MAGI1: variants seen among roughly 807,000 people sequenced by gnomAD.
The protein encoded by MAGI1 is membrane-associated guanylate kinase, WW and PDZ domain-containing protein 1.
MAGI1 carries 58 observed loss-of-function variants against 139.9 expected under a neutral mutation model. The observed-to-expected ratio is 0.41, with a 90% CI of 0.34 to 0.52. The LOEUF (loss-of-function observed/expected upper bound fraction) is 0.52, where lower values mean the gene tolerates loss of function less well. Ranked by LOEUF, MAGI1 falls within the 20% of genes least tolerant of loss-of-function variation. The pLI is 0.12. For missense variants in MAGI1, 1,874 were observed against 1,901.6 expected (o/e 0.99, Z 0.27); for synonymous variants, 812 against 737.9 (o/e 1.10, Z -1.63).
chr3:65,812,273 C>T (rs906762428), intron 1 of MAGI1, among the ~76,000 whole-genome samples: 2 of 151,974 alleles, frequency 1.3e-5, no homozygotes, highest in African/African-American at 4.8e-5. Flanking sequence ...TGGCACAAAG[C>T]GGGTATTCTA....
intron 1 of MAGI1, among the ~76,000 whole-genome samples, chr3:65,713,585 C>G (rs1316257401): frequency 4.6e-5 from 7 of 152,204 alleles, no homozygotes; most frequent in Non-Finnish European, 1.0e-4. Context: ...GATTCTACCA[C>G]TAACCGAGAA....
chr3:65,878,350 C>G (rs1022160006), intron 1 of MAGI1, among the ~76,000 whole-genome samples: 2 of 151,932 alleles, frequency 1.3e-5, no homozygotes, highest in African/African-American at 4.8e-5. Context: ...AACCTCGTCT[C>G]GACAGAAATA....
chr3:65,855,423 A>G (rs2059341581), intron 1 of MAGI1, among the ~76,000 whole-genome samples: 1 of 150,718 alleles, frequency 6.6e-6, no homozygotes, highest in African/African-American at 2.4e-5. Context: ...CAAATAAAAT[A>G]AAGTAACTTT....
chr3:65,411,787 C>T (rs558180933), intron 12 of MAGI1, among the ~76,000 whole-genome samples: 6 of 152,036 alleles, frequency 3.9e-5, no homozygotes, highest in East Asian at 1.9e-4. Context: ...GAATAATATC[C>T]GGGCTTTTAA....
intron 1 of MAGI1, among the ~76,000 whole-genome samples, chr3:65,861,726 A>C (rs1221975010): frequency 6.6e-6 from 1 of 152,158 alleles, no homozygotes; most frequent in Non-Finnish European, 1.5e-5. Flanking sequence ...CGTGAAAAAA[A>C]AGACACTCGT....
At chr3:65,764,673 T>C (rs759287048) in intron 1 of MAGI1, among the ~76,000 whole-genome samples, 1 of 152,220 alleles carries the variant, frequency 6.6e-6, no homozygotes, top group Admixed American at 6.5e-5. Flanking sequence ...CCATCCACCA[T>C]AAATCAGCTT....
intron 5 of MAGI1, among the ~76,000 whole-genome samples, chr3:65,461,575 G>A (rs1417650541): frequency 1.0e-4 from 15 of 146,804 alleles, no homozygotes; most frequent in Non-Finnish European, 1.6e-4. Context: ...TGCAAGCTCC[G>A]CCTCCCGGGT....
intron 1 of MAGI1, among the ~76,000 whole-genome samples, chr3:65,768,364 G>A (rs148808528): frequency 2.5e-4 from 38 of 152,108 alleles, no homozygotes; most frequent in African/African-American, 7.7e-4. Flanking sequence ...AGGTTGCAGT[G>A]AGCCAAGATC....
intron 1 of MAGI1, among the ~76,000 whole-genome samples, chr3:65,833,272 C>T (rs2042626415): frequency 1.3e-5 from 2 of 152,092 alleles, no homozygotes; most frequent in African/African-American, 2.4e-5. Flanking sequence ...GCGTGCACCA[C>T]TACGCTCAGC....
intron 1 of MAGI1, among the ~76,000 whole-genome samples, chr3:65,677,116 C>T (rs746459920): frequency 1.2e-4 from 18 of 152,232 alleles, no homozygotes; most frequent in African/African-American, 3.4e-4. Flanking sequence ...ATTAGGAGAA[C>T]GTGCAGACAT....
chr3:65,789,269 A>T (rs1034959783), intron 1 of MAGI1, among the ~76,000 whole-genome samples: 1 of 152,210 alleles, frequency 6.6e-6, no homozygotes, highest in Non-Finnish European at 1.5e-5. Context: ...ATAAAGTAGT[A>T]AGATAGTGCC....
At chr3:65,462,043 A>T (rs1354974616) in intron 5 of MAGI1, among the ~76,000 whole-genome samples, 1 of 152,164 alleles carries the variant, frequency 6.6e-6, no homozygotes, top group Non-Finnish European at 1.5e-5. Context: ...GATAGATTCC[A>T]AACATGTTCT....
intron 2 of MAGI1, among the ~76,000 whole-genome samples, chr3:65,499,624 A>G (rs2077005998): frequency 6.7e-6 from 1 of 150,058 alleles, no homozygotes; most frequent in African/African-American, 2.4e-5. Context: ...CTCCGTCTCA[A>G]AAAAAAAAAA....
chr3:65,944,230 G>A (rs1409511722), intron 1 of MAGI1, among the ~76,000 whole-genome samples: 1 of 152,074 alleles, frequency 6.6e-6, no homozygotes, highest in Non-Finnish European at 1.5e-5. Flanking sequence ...AATTGAAAGT[G>A]CTCAGCTAGG....
chr3:65,609,469 G>C lies in MAGI1; in HGVS notation c.430+12503C>G, dbSNP rs911233522. ...ATTTTTTGTATTTTTAGGAGAGATG[G>C]GGTTTTACCATGTTGGTCAGGCTTG... On this transcript the variant is annotated intron_variant, in intron 2 of 22. Coordinates refer to ENST00000402939, the MANE Select transcript of MAGI1 (RefSeq NM_001033057.2). Among the ~76,000 whole-genome samples the C allele has an allele frequency of 4.6e-5, 7 of 151,882 alleles. No individual in the cohort carries two copies. The East Asian group carries it at 7.8e-4, about 17-fold the overall frequency.
rs150525343 is a variant in MAGI1, at chr3:65,916,541, G to C, written c.313+121455C>G. 1.4e-3 allele frequency among the ~76,000 whole-genome samples: 216 copies of C among 152,218 alleles called. 1 individual carries two copies. In the East Asian group the frequency reaches 0.023, roughly 16 times the overall value. Reference sequence around the variant, plus strand: ...ACCCCTTATAAAACCATCAGATATTGTGAGACTTTTTCACTACCACAAGAA... The same window carrying C: ...ACCCCTTATAAAACCATCAGATATTCTGAGACTTTTTCACTACCACAAGAA... On this transcript the variant is annotated intron_variant, in intron 1 of 22. Coordinates refer to ENST00000402939, the MANE Select transcript of MAGI1 (RefSeq NM_001033057.2).
chr3:65,699,396 T>G (rs2089444194), intron 1 of MAGI1, among the ~76,000 whole-genome samples: 1 of 148,662 alleles, frequency 6.7e-6, no homozygotes, highest in Non-Finnish European at 1.5e-5. Context: ...CAAAGGACTA[T>G]AAATCATGCT....
chr3:65,919,890 C>G (rs1171714384), intron 1 of MAGI1, among the ~76,000 whole-genome samples: 1 of 152,180 alleles, frequency 6.6e-6, no homozygotes, highest in Non-Finnish European at 1.5e-5. Flanking sequence ...CTTCCATCAT[C>G]TTAACCCCTT....
At chr3:65,422,705 C>T (rs1367342054) in intron 12 of MAGI1, among the ~76,000 whole-genome samples, 3 of 151,952 alleles carry the variant, frequency 2.0e-5, no homozygotes, top group Admixed American at 2.0e-4. Context: ...AGACAGTGAT[C>T]GTGGGAGATG....
Sources: gnomAD v4.1 joint callset for allele counts (sites outside exome capture counted in the v4.1 genomes callset) on GRCh38, gnomAD v4.1.1 for gene constraint, MANE v1.5 for transcripts, NCBI Gene and HGNC (gene_info 2026-07-23, HGNC 2026-07-21) for gene names.